Variants in ASAP2 observed in about 807,000 individuals in gnomAD.
ASAP2 encodes arf-GAP with SH3 domain, ANK repeat and PH domain-containing protein 2.
ASAP2 carries 45 observed loss-of-function variants against 131.4 expected under a neutral mutation model. The observed-to-expected ratio is 0.34, with a 90% CI of 0.27 to 0.44. The LOEUF is 0.44. ASAP2 is among the 20% of genes least tolerant of loss of function. ASAP2 has a pLI of 1.00. For synonymous variants in ASAP2, 510 were observed against 503.0 expected (o/e 1.01, Z -0.19); for missense variants, 1,011 against 1,297.0 (o/e 0.78, Z 3.39).
chr2:9,223,469 A>G (rs1184522043), intron 1 of ASAP2, among the ~76,000 whole-genome samples: 2 of 152,182 alleles, frequency 1.3e-5, no homozygotes, highest in Non-Finnish European at 1.5e-5. Context: ...ATGAAATGCT[A>G]TAGGGTTCTG....
chr2:9,220,272 A>G (rs1183437962), intron 1 of ASAP2, among the ~76,000 whole-genome samples: 1 of 152,250 alleles, frequency 6.6e-6, no homozygotes, highest in African/African-American at 2.4e-5. Flanking sequence ...AACTTTTTAA[A>G]GTCAGTTTAA....
intron 2 of ASAP2, among the ~76,000 whole-genome samples, chr2:9,282,544 A>T (rs1285642526): frequency 6.6e-6 from 1 of 152,166 alleles, no homozygotes; most frequent in Non-Finnish European, 1.5e-5. Flanking sequence ...TCAAGAAGGG[A>T]CTGAGTGCCA....
chr2:9,350,965 A>G (rs1400688546), intron 12 of ASAP2, 70 bp downstream of exon 12: 1 of 1,164,488 alleles, frequency 8.6e-7, no homozygotes, highest in Non-Finnish European at 1.2e-6. Flanking sequence ...CGTCCTTCAC[A>G]TTTCAAACAC....
chr2:9,309,754 C>G (rs1669175255), intron 3 of ASAP2, among the ~76,000 whole-genome samples: 1 of 152,212 alleles, frequency 6.6e-6, no homozygotes, highest in South Asian at 2.1e-4. Context: ...TTTACTGAGT[C>G]TAGCAAGTCT....
intron 11 of ASAP2, 142 bp downstream of exon 11, chr2:9,344,942 A>G: frequency 1.7e-6 from 1 of 591,424 alleles, no homozygotes; most frequent in East Asian, 3.1e-5. Context: ...CCTGTCAGAA[A>G]CGCTTGCTGG....
At chr2:9,245,122 G>A (rs1016565972) in intron 1 of ASAP2, among the ~76,000 whole-genome samples, 2 of 152,258 alleles carry the variant, frequency 1.3e-5, no homozygotes, top group South Asian at 2.1e-4. Context: ...GTAGGACTGC[G>A]GTAAGAATAA....
intron 2 of ASAP2, among the ~76,000 whole-genome samples, chr2:9,292,627 T>C (rs1475300505): frequency 1.3e-5 from 2 of 152,212 alleles, no homozygotes; most frequent in Admixed American, 1.3e-4. Flanking sequence ...TGTGATCTGC[T>C]CCTTCTCTAC....
rs573971068 is a variant in ASAP2 at position 9,318,245 on chromosome 2, T to C, written c.346-279T>C. Among the ~76,000 whole-genome samples, 847 of 152,338 alleles carry C rather than the reference T, an allele frequency of 5.6e-3. 4 individuals carry two copies. Among genetic ancestry groups the C allele is most frequent in the African/African-American group, 0.019 (790 of 41,560 alleles). On this transcript the variant is annotated intron_variant, in intron 3 of 27. Coordinates refer to ENST00000281419, the MANE Select transcript of ASAP2 (RefSeq NM_003887.3). ...TTGAATGTTTTGAAATATTTTTTCT[T>C]CACTGCAATGATTGTCTCTTTACAA...
At chr2:9,364,800 A>G (rs7570823) in intron 15 of ASAP2, among the ~76,000 whole-genome samples, 16 of 152,212 alleles carry the variant, frequency 1.1e-4, no homozygotes, top group African/African-American at 3.4e-4. Flanking sequence ...GAAATTGACT[A>G]TCAGTGGTCA....
chr2:9,237,334 C>T (rs1004528876), intron 1 of ASAP2, among the ~76,000 whole-genome samples: 2 of 151,570 alleles, frequency 1.3e-5, no homozygotes, highest in African/African-American at 4.8e-5. Context: ...TAGATGAAAA[C>T]ATAATTGATA....
chr2:9,297,391 G>T lies in ASAP2; in HGVS notation c.291G>T (p.Ala97=), dbSNP rs377202646. The change falls in exon 3 of 28, where the codon GCG becomes GCT. Residue 97 remains alanine (A), a synonymous_variant. Coordinates refer to ENST00000281419, the MANE Select transcript of ASAP2 (RefSeq NM_003887.3). ...GAGATGACCCAGATTTAGGAAGTGC[G>T]TTCCTGAAGTTCTCAGTGTTTACAA... is the stretch of plus-strand genomic sequence containing the variant. ...VCRDDPDLGS[A]FLKFSVFTKE... is the part of the protein sequence containing the mutation. 6.2e-6 allele frequency: 10 copies of T among 1,614,152 alleles called. No individual in the cohort carries two copies. The highest frequency in any genetic ancestry group is 4.2e-6 in the Non-Finnish European group (5 of 1,180,034).
intron 3 of ASAP2, among the ~76,000 whole-genome samples, chr2:9,306,065 A>G: frequency 1.1e-5 from 1 of 91,684 alleles, no homozygotes; most frequent in Non-Finnish European, 2.1e-5. Flanking sequence ...TATGAGGTAG[A>G]GAGGCTGTAG....
At chr2:9,253,413 G>A (rs150484340) in intron 1 of ASAP2, among the ~76,000 whole-genome samples, 227 of 143,440 alleles carry the variant, frequency 1.6e-3, no homozygotes, top group African/African-American at 5.5e-3. Context: ...ATCCGCCCGC[G>A]TTGGCTTCCC....
At chr2:9,293,323 C>T (rs1170013832) in intron 2 of ASAP2, among the ~76,000 whole-genome samples, 1 of 152,140 alleles carries the variant, frequency 6.6e-6, no homozygotes, top group Non-Finnish European at 1.5e-5. Context: ...AGCATGGTCT[C>T]TGTGACTCAG....
chr2:9,239,803 G>T (rs1164532580), intron 1 of ASAP2, among the ~76,000 whole-genome samples: 2 of 151,932 alleles, frequency 1.3e-5, no homozygotes, highest in Non-Finnish European at 2.9e-5. Context: ...ACGGCTCACT[G>T]CAGCCTTGGC....
intron 3 of ASAP2, 64 bp downstream of exon 3, chr2:9,297,509 T>C (rs879054983): frequency 1.9e-6 from 3 of 1,571,694 alleles, no homozygotes; most frequent in South Asian, 2.3e-5. Flanking sequence ...CAGTAGAGGA[T>C]AGTTATGGTT....
intron 1 of ASAP2, among the ~76,000 whole-genome samples, chr2:9,237,552 C>T (rs1158349049): frequency 1.3e-5 from 2 of 152,028 alleles, no homozygotes; most frequent in African/African-American, 4.8e-5. Context: ...GCTGGGACTA[C>T]AGGTACATGC....
intron 1 of ASAP2, among the ~76,000 whole-genome samples, chr2:9,256,904 CT>C (rs1665205062): frequency 6.6e-6 from 1 of 152,220 alleles, no homozygotes; most frequent in Admixed American, 6.5e-5. Flanking sequence ...GTCCTTGTTC[CT>C]CTCCTTCCTG....
At chr2:9,220,129 C>T (rs1235553820) in intron 1 of ASAP2, among the ~76,000 whole-genome samples, 2 of 152,056 alleles carry the variant, frequency 1.3e-5, no homozygotes, top group African/African-American at 4.8e-5. Context: ...TTTGGGTTGC[C>T]TCCACTTTTA....
Sources: allele counts gnomAD v4.1 joint callset (sites outside exome capture counted in the v4.1 genomes callset), GRCh38; gene constraint gnomAD v4.1.1; transcripts MANE v1.5; gene names NCBI Gene and HGNC (gene_info 2026-07-23, HGNC 2026-07-21).